The following ARHGAP22 variants were observed in gnomAD, a reference collection of about 807,000 sequenced individuals.
The protein encoded by ARHGAP22 is rho GTPase-activating protein 22.
ARHGAP22 carries 48 observed loss-of-function variants against 59.1 expected under a neutral mutation model. That is an observed-to-expected ratio of 0.81 (90% CI 0.64 to 1.03). ARHGAP22 has a LOEUF of 1.03. Among genes scored for constraint, ARHGAP22 ranks in the 50% least tolerant of loss-of-function variants. The pLI, the probability that ARHGAP22 is intolerant of heterozygous loss-of-function variation, is 0.00. For missense variants in ARHGAP22, 1,015 were observed against 958.7 expected (o/e 1.06, Z -0.78); for synonymous variants, 445 against 416.4 (o/e 1.07, Z -0.84).
intron 1 of ARHGAP22, among the ~76,000 whole-genome samples, chr10:48,648,755 G>T (rs987988451): frequency 2.0e-5 from 3 of 152,236 alleles, no homozygotes; most frequent in Non-Finnish European, 4.4e-5. Flanking sequence ...GGCACTGCTG[G>T]TGCAGAGCAG....
chr10:48,431,854 A>C, the ARHGAP22 span, among the ~76,000 whole-genome samples: 2 of 152,214 alleles, frequency 1.3e-5, no homozygotes, highest in Non-Finnish European at 2.9e-5. Flanking sequence ...AATGGCAGGT[A>C]ACATGTACAC....
At chr10:48,464,003 C>A (rs1484417232) in intron 4 of ARHGAP22, among the ~76,000 whole-genome samples, 1 of 152,218 alleles carries the variant, frequency 6.6e-6, no homozygotes, top group Non-Finnish European at 1.5e-5. Flanking sequence ...TTCCACCCAG[C>A]CATCTCTTGG....
At chr10:48,608,827 A>G (rs185832925), upstream of ARHGAP22, among the ~76,000 whole-genome samples, 2 of 152,354 alleles carry the variant, frequency 1.3e-5, no homozygotes, top group Admixed American at 1.3e-4. Context: ...AAATTAATGT[A>G]TATAAACTTA....
At chr10:48,583,229 A>T in intron 1 of ARHGAP22, 77 bp from the exon 2 acceptor site, 5 of 1,520,444 alleles carry the variant, frequency 3.3e-6, no homozygotes, top group Non-Finnish European at 4.5e-6. Context: ...CTGGTGTCCC[A>T]GCTGCCTCGT....
At chr10:48,549,812 C>A (rs1306390887) in intron 3 of ARHGAP22, among the ~76,000 whole-genome samples, 1 of 152,100 alleles carries the variant, frequency 6.6e-6, no homozygotes, top group East Asian at 1.9e-4. Flanking sequence ...GATTCTAAGT[C>A]CCCCACTATC....
intron 8 of ARHGAP22, among the ~76,000 whole-genome samples, chr10:48,452,085 C>T (rs1429926831): frequency 6.6e-6 from 1 of 152,180 alleles, no homozygotes; most frequent in Non-Finnish European, 1.5e-5. Context: ...CGCACACACA[C>T]AATCCCCCGT....
At chr10:48,444,208 C>T (rs1399460786), downstream of ARHGAP22, 1 of 152,180 alleles carries the variant, frequency 6.6e-6, no homozygotes, top group Non-Finnish European at 1.5e-5. Context: ...CATGAGTCTA[C>T]TTCATATTAA....
chr10:48,459,394 T>C (rs561847896), intron 5 of ARHGAP22, among the ~76,000 whole-genome samples: 2 of 152,258 alleles, frequency 1.3e-5, no homozygotes, highest in African/African-American at 4.8e-5. Flanking sequence ...AGTCCTCACA[T>C]GGGAGCCAGC....
intron 2 of ARHGAP22, chr10:48,575,721 C>T (rs539412548): frequency 1.3e-5 from 2 of 152,334 alleles, no homozygotes; most frequent in South Asian, 4.1e-4. Flanking sequence ...TTTTAAATTG[C>T]CTCTTCTAGA....
intron 3 of ARHGAP22, among the ~76,000 whole-genome samples, chr10:48,482,642 G>A (rs1476055655): frequency 6.6e-6 from 1 of 151,946 alleles, no homozygotes; most frequent in African/African-American, 2.4e-5. Context: ...CTAATTTGCT[G>A]AGAGGTTTTT....
At chr10:48,555,420 C>T (rs748666204) in intron 3 of ARHGAP22, 43 bp downstream of exon 3, 6 of 1,587,998 alleles carry the variant, frequency 3.8e-6, no homozygotes, top group Non-Finnish European at 5.2e-6. Context: ...GGCATGGCAA[C>T]ACCCCCACCA....
intron 3 of ARHGAP22, among the ~76,000 whole-genome samples, chr10:48,548,064 G>C (rs556750884): frequency 9.8e-4 from 150 of 152,354 alleles, no homozygotes; most frequent in African/African-American, 3.6e-3. Context: ...GTCAGGGGTA[G>C]GCATGTAGCT....
At chr10:48,438,726 A>G in the ARHGAP22 span, 1 of 152,232 alleles carries the variant, frequency 6.6e-6, no homozygotes, top group Non-Finnish European at 1.5e-5. Flanking sequence ...CTTTCTAGCC[A>G]ATGTTGACAC....
At chr10:48,582,843 C>G in intron 2 of ARHGAP22, 110 bp downstream of exon 2, 1 of 1,278,682 alleles carries the variant, frequency 7.8e-7, no homozygotes, top group Non-Finnish European at 1.1e-6. Context: ...CAAAACATCA[C>G]TGTGATGGAG....
chr10:48,654,930 T>G (rs2136236408), upstream of ARHGAP22, among the ~76,000 whole-genome samples: 1 of 127,224 alleles, frequency 7.9e-6, no homozygotes, highest in Middle Eastern at 3.7e-3. Flanking sequence ...TTTCTCTCTG[T>G]TTCTCTCTCT....
intron 1 of ARHGAP22, among the ~76,000 whole-genome samples, chr10:48,620,261 G>A (rs958950782): frequency 1.2e-5 from 1 of 86,496 alleles, no homozygotes; most frequent in African/African-American, 4.6e-5. Flanking sequence ...ACACACACTT[G>A]TACATGTTTT....
the ARHGAP22 span, chr10:48,435,591 T>G: frequency 6.6e-6 from 1 of 152,220 alleles, no homozygotes; most frequent in Non-Finnish European, 1.5e-5. Flanking sequence ...ACCTCCAATA[T>G]TTGCTACTTG....
intron 2 of ARHGAP22, among the ~76,000 whole-genome samples, chr10:48,580,374 C>T (rs1275651021): frequency 2.6e-5 from 4 of 152,132 alleles, no homozygotes; most frequent in Non-Finnish European, 4.4e-5. Flanking sequence ...TGGGTGAGGG[C>T]TCCCAGGGCC....
At chr10:48,556,399 G>T (rs2057312867) in intron 2 of ARHGAP22, among the ~76,000 whole-genome samples, 1 of 152,168 alleles carries the variant, frequency 6.6e-6, no homozygotes, top group Admixed American at 6.5e-5. Flanking sequence ...GCTAGGCAGG[G>T]CCTCCTTTAT....
Sources: gnomAD v4.1 joint callset for allele counts (sites outside exome capture counted in the v4.1 genomes callset) on GRCh38, gnomAD v4.1.1 for gene constraint, MANE v1.5 for transcripts, NCBI Gene and HGNC (gene_info 2026-07-23, HGNC 2026-07-21) for gene names.